Variants in PRR16 observed in about 807,000 individuals in gnomAD.
PRR16 encodes protein Largen.
In PRR16, 6 loss-of-function variants were observed where a neutral mutation model predicts 18.2. That is an observed-to-expected ratio of 0.33 (90% CI 0.18 to 0.65). The LOEUF (loss-of-function observed/expected upper bound fraction) is 0.65. Among genes scored for constraint, PRR16 ranks in the 30% least tolerant of loss-of-function variants. PRR16 has a pLI of 0.74. For synonymous variants in PRR16, 151 were observed against 147.8 expected, an observed-to-expected ratio of 1.02 and a Z score of -0.16; for missense variants, 412 against 376.6, an observed-to-expected ratio of 1.09 and a Z score of -0.78.
At chr5:120,548,431 A>G (rs906526185) in intron 1 of PRR16, among the ~76,000 whole-genome samples, 17 of 152,136 alleles carry the variant, frequency 1.1e-4, no homozygotes, top group African/African-American at 3.9e-4. Flanking sequence ...CAATAATCAA[A>G]AGAAAAATAT....
At chr5:120,550,873 A>G (rs559712076) in intron 1 of PRR16, among the ~76,000 whole-genome samples, 2 of 152,110 alleles carry the variant, frequency 1.3e-5, no homozygotes, top group South Asian at 2.1e-4. Flanking sequence ...CCAGCTCTCA[A>G]TACCGTTTCT....
At chr5:120,645,882 G>A (rs1012764287) in intron 1 of PRR16, among the ~76,000 whole-genome samples, 4 of 151,670 alleles carry the variant, frequency 2.6e-5, no homozygotes, top group Non-Finnish European at 5.9e-5. Flanking sequence ...GATATCTTTC[G>A]TAAAACAGAG....
At position 120,492,217 on chromosome 5, in the gene PRR16, T is replaced by A. The variant is rs1335452696; in HGVS notation, c.159+27572T>A. Among the ~76,000 whole-genome samples, 5 of 151,232 alleles carry A rather than the reference T, an allele frequency of 3.3e-5. No homozygotes were observed. In the East Asian group the frequency reaches 9.9e-4, roughly 30 times the overall value. On this transcript the variant is annotated intron_variant, in intron 1 of 1. Transcript: ENST00000407149. ...CACCAACCTCAGCCTTCTAAGTAGC[T>A]GAGACTGCAGGCATGCATCCCCATG... is the stretch of plus-strand genomic sequence containing the variant.
chr5:120,509,973 C>G (rs1268853560), intron 1 of PRR16, among the ~76,000 whole-genome samples: 2 of 152,096 alleles, frequency 1.3e-5, no homozygotes, highest in Non-Finnish European at 2.9e-5. Flanking sequence ...ATTCAGTATA[C>G]TGTTCTTTAC....
intron 1 of PRR16, among the ~76,000 whole-genome samples, chr5:120,683,501 CAA>C (rs11385880): frequency 1.2e-4 from 14 of 112,054 alleles, no homozygotes; most frequent in South Asian, 3.0e-4. Flanking sequence ...CACTCCGTCT[CAA>C]AAAAAAAAAA....
chr5:120,731,418 C>T, the PRR16 span, among the ~76,000 whole-genome samples: 1 of 151,968 alleles, frequency 6.6e-6, no homozygotes, highest in Admixed American at 6.6e-5. Context: ...TGGCTTGTAC[C>T]ACCTCATAGA....
At chr5:120,718,240 G>C in the PRR16 span, among the ~76,000 whole-genome samples, 2 of 152,044 alleles carry the variant, frequency 1.3e-5, no homozygotes, top group African/African-American at 4.8e-5. Flanking sequence ...ACTTAATTAA[G>C]TGGAAAAAAT....
At chr5:120,644,182 T>C (rs976497306) in intron 1 of PRR16, among the ~76,000 whole-genome samples, 2 of 152,096 alleles carry the variant, frequency 1.3e-5, no homozygotes, top group African/African-American at 4.8e-5. Flanking sequence ...GGAATGACTA[T>C]CTCATACTGA....
chr5:120,631,574 G>A (rs919180651), intron 1 of PRR16, among the ~76,000 whole-genome samples: 33 of 152,014 alleles, frequency 2.2e-4, no homozygotes, highest in African/African-American at 5.8e-4. Flanking sequence ...TCCCCATTTC[G>A]CTGGTGACCT....
intron 1 of PRR16, among the ~76,000 whole-genome samples, chr5:120,470,144 C>G (rs968535858): frequency 7.2e-5 from 11 of 152,198 alleles, no homozygotes; most frequent in Non-Finnish European, 1.5e-4. Context: ...AGAGATAGTT[C>G]TTGAAAAATT....
At chr5:120,700,032 G>A in the PRR16 span, among the ~76,000 whole-genome samples, 1 of 152,152 alleles carries the variant, frequency 6.6e-6, no homozygotes, top group Non-Finnish European at 1.5e-5. Context: ...AAGAGAGGCT[G>A]GGATGAAGGG....
At chr5:120,618,403 T>C (rs2112816556) in intron 1 of PRR16, 2 of 886,040 alleles carry the variant, frequency 2.3e-6, no homozygotes, top group South Asian at 1.0e-4. Context: ...AAACTATTTT[T>C]AGTTTTGAGA....
intron 1 of PRR16, among the ~76,000 whole-genome samples, chr5:120,619,118 T>C (rs527768086): frequency 6.6e-6 from 1 of 152,258 alleles, no homozygotes; most frequent in African/African-American, 2.4e-5. Context: ...GTCTGCCACA[T>C]TGGCAATGTA....
chr5:120,770,738 A>G, the PRR16 span, among the ~76,000 whole-genome samples: 1 of 151,972 alleles, frequency 6.6e-6, no homozygotes, highest in African/African-American at 2.4e-5. Flanking sequence ...AAATAACCCA[A>G]TTTTCATAAC....
the PRR16 span, among the ~76,000 whole-genome samples, chr5:120,711,790 C>T: frequency 6.6e-6 from 1 of 152,226 alleles, no homozygotes; most frequent in Middle Eastern, 3.4e-3. Flanking sequence ...CAAGAATGAC[C>T]TTCTTTTCCT....
the PRR16 span, among the ~76,000 whole-genome samples, chr5:120,733,629 C>G: frequency 6.6e-6 from 1 of 152,018 alleles, no homozygotes; most frequent in South Asian, 2.1e-4. Flanking sequence ...AAACCTATGC[C>G]CCGCTCTCTC....
intron 1 of PRR16, among the ~76,000 whole-genome samples, chr5:120,559,061 GTTTGCAAATAT>G (rs1166004042): frequency 2.0e-5 from 3 of 151,884 alleles, no homozygotes; most frequent in African/African-American, 7.2e-5. Flanking sequence ...CAGATGGGTA[GTTTGCAAATAT>G]TTTCTCCCCT....
intron 1 of PRR16, among the ~76,000 whole-genome samples, chr5:120,682,907 T>C (rs1443853823): frequency 1.3e-5 from 2 of 152,210 alleles, no homozygotes; most frequent in Non-Finnish European, 2.9e-5. Flanking sequence ...AAATATTTGC[T>C]GAGCCCCTAA....
the PRR16 span, among the ~76,000 whole-genome samples, chr5:120,738,028 CAAAG>C: frequency 1.1e-4 from 16 of 151,128 alleles, no homozygotes; most frequent in African/African-American, 3.2e-4. Flanking sequence ...ATATATGAAA[CAAAG>C]AAAGCCTAAG....
Sources: allele counts gnomAD v4.1 joint callset (sites outside exome capture counted in the v4.1 genomes callset), GRCh38; gene constraint gnomAD v4.1.1; transcripts MANE v1.5; gene names NCBI Gene and HGNC (gene_info 2026-07-23, HGNC 2026-07-21).